Variants in HS3ST1 observed in about 807,000 individuals in gnomAD.
HS3ST1 encodes the protein heparan sulfate glucosamine 3-O-sulfotransferase 1.
HS3ST1 carries 8 observed loss-of-function variants against 20.7 expected under a neutral mutation model. The observed-to-expected ratio is 0.39, with a 90% CI of 0.23 to 0.70. The LOEUF (loss-of-function observed/expected upper bound fraction) is 0.70, where lower values mean the gene tolerates loss of function less well. Ranked by LOEUF, HS3ST1 falls within the 30% of genes least tolerant of loss-of-function variation. The pLI is 0.46. For missense variants in HS3ST1, 436 were observed against 423.4 expected, an observed-to-expected ratio of 1.03 and a Z score of -0.26; for synonymous variants, 205 against 190.4, an observed-to-expected ratio of 1.08 and a Z score of -0.63.
At chr4:11,417,032 C>G (rs575392493) in intron 1 of HS3ST1, among the ~76,000 whole-genome samples, 8 of 152,042 alleles carry the variant, frequency 5.3e-5, no homozygotes, top group African/African-American at 1.9e-4. Flanking sequence ...GTCCTGAGGT[C>G]AGATTATGAG....
At chr4:11,407,877 G>A (rs1718512488) in intron 1 of HS3ST1, among the ~76,000 whole-genome samples, 1 of 152,240 alleles carries the variant, frequency 6.6e-6, no homozygotes, top group Non-Finnish European at 1.5e-5. Flanking sequence ...ACCCTCGATA[G>A]TCTTTGGCAT....
rs123630 is a variant in HS3ST1, at chr4:11,428,747, A to G, written c.-157T>C. The G allele has an allele frequency of 1, 152,990 of 152,990 alleles. 76,495 individuals carry two copies. Among genetic ancestry groups the G allele is most frequent in the Non-Finnish European group, 1 (68,600 of 68,600 alleles). 9.5% of individuals were successfully genotyped at this position (152,990 alleles called of 1,614,324 possible). On this transcript the variant is annotated 5_prime_UTR_variant, in exon 1 of 2. Transcript: ENST00000002596. ...CGTCCGGCGCCCTAAATAGGCTCCT[A>G]GGCTGGGCCATGGGCAGCACTGCCG... is the stretch of plus-strand genomic sequence containing the variant.
rs547496496 is a variant in HS3ST1 at position 11,427,108 on chromosome 4, C to CT, written c.-109+1590dup. On this transcript the variant is annotated intron_variant, in intron 1 of 1. Coordinates refer to ENST00000002596, the MANE Select transcript of HS3ST1 (RefSeq NM_005114.4). ...GGTTATTTCTCCCTCCTTTTTTTTT[C>CT]TTTTTTTTTTAAAGATGGAATTCCT... Among the ~76,000 whole-genome samples the CT allele has an allele frequency of 3.1e-3, 454 of 148,016 alleles. 2 individuals are homozygous for CT. Among genetic ancestry groups the CT allele is most frequent in the Admixed American group, 4.4e-3 (66 of 14,936 alleles).
chr4:11,408,355 G>A (rs559696949), intron 1 of HS3ST1, among the ~76,000 whole-genome samples: 1 of 152,128 alleles, frequency 6.6e-6, no homozygotes, highest in Non-Finnish European at 1.5e-5. Context: ...AAAAAAAAAT[G>A]TTGGGTGGTA....
intron 1 of HS3ST1, among the ~76,000 whole-genome samples, chr4:11,421,333 C>T (rs1236186627): frequency 6.7e-6 from 1 of 150,272 alleles, no homozygotes; most frequent in Non-Finnish European, 1.5e-5. Context: ...TCTCAGAAAT[C>T]TATAACCAAC....
chr4:11,402,019 C>G (rs1350286932), intron 1 of HS3ST1, among the ~76,000 whole-genome samples: 1 of 152,196 alleles, frequency 6.6e-6, no homozygotes, highest in African/African-American at 2.4e-5. Flanking sequence ...GGCTTGGGGA[C>G]TGAGGGATTT....
At chr4:11,404,601 C>G (rs933719205) in intron 1 of HS3ST1, among the ~76,000 whole-genome samples, 4 of 152,212 alleles carry the variant, frequency 2.6e-5, no homozygotes, top group Admixed American at 1.3e-4. Flanking sequence ...GCTTCCTGAA[C>G]AGGAGAAGAA....
intron 1 of HS3ST1, among the ~76,000 whole-genome samples, chr4:11,405,850 A>T (rs1718450481): frequency 2.0e-5 from 3 of 152,202 alleles, no homozygotes; most frequent in African/African-American, 4.8e-5. Flanking sequence ...TCACATCATG[A>T]CCTAGATTTC....
intron 1 of HS3ST1, among the ~76,000 whole-genome samples, chr4:11,404,784 T>A (rs1003599171): frequency 6.6e-6 from 1 of 152,232 alleles, no homozygotes; most frequent in Non-Finnish European, 1.5e-5. Context: ...GGCCACATCC[T>A]TGGCAAAAGC....
intron 1 of HS3ST1, among the ~76,000 whole-genome samples, chr4:11,406,058 C>A (rs1718455313): frequency 6.6e-6 from 1 of 152,114 alleles, no homozygotes; most frequent in Non-Finnish European, 1.5e-5. Context: ...GCAGGAATCT[C>A]CTCTAGGGTA....
intron 1 of HS3ST1, among the ~76,000 whole-genome samples, chr4:11,401,438 C>T (rs960416370): frequency 1.3e-4 from 19 of 151,814 alleles, no homozygotes; most frequent in African/African-American, 4.1e-4. Flanking sequence ...TCCGCCTCCC[C>T]GGTTCAAGTG....
chr4:11,423,506 ATC>A (rs1186394432), intron 1 of HS3ST1, among the ~76,000 whole-genome samples: 1 of 152,100 alleles, frequency 6.6e-6, no homozygotes, highest in African/African-American at 2.4e-5. Context: ...TTATTTTTTA[ATC>A]CTTAGCACAT....
intron 1 of HS3ST1, among the ~76,000 whole-genome samples, chr4:11,401,809 A>T (rs893843890): frequency 1.3e-5 from 2 of 152,194 alleles, no homozygotes; most frequent in African/African-American, 4.8e-5. Context: ...GATTTATAAC[A>T]TTTAGGCAGT....
chr4:11,416,349 G>A (rs1718781162), intron 1 of HS3ST1, among the ~76,000 whole-genome samples: 1 of 152,140 alleles, frequency 6.6e-6, no homozygotes, highest in Non-Finnish European at 1.5e-5. Context: ...GACTAGGCAC[G>A]AGAGGTGTGA....
intron 1 of HS3ST1, among the ~76,000 whole-genome samples, chr4:11,400,853 C>T (rs1011984191): frequency 6.6e-6 from 1 of 152,192 alleles, no homozygotes; most frequent in Non-Finnish European, 1.5e-5. Context: ...CTGCAAGAGG[C>T]CTTGTGTGTT....
At chr4:11,431,309 C>G (rs1471314167), upstream of HS3ST1, among the ~76,000 whole-genome samples, 1 of 150,972 alleles carries the variant, frequency 6.6e-6, no homozygotes, top group Non-Finnish European at 1.5e-5. Flanking sequence ...GTTTCCCTTT[C>G]AAAGCCGTGG....
intron 1 of HS3ST1, among the ~76,000 whole-genome samples, chr4:11,406,084 G>A (rs1039695761): frequency 1.3e-5 from 2 of 152,156 alleles, no homozygotes; most frequent in African/African-American, 4.8e-5. Flanking sequence ...GATGATCAAA[G>A]CATACAACCA....
At chr4:11,419,090 C>G (rs996032422) in intron 1 of HS3ST1, among the ~76,000 whole-genome samples, 22 of 151,848 alleles carry the variant, frequency 1.4e-4, no homozygotes, top group Non-Finnish European at 2.1e-4. Context: ...CTATGCTCTT[C>G]AAATCCTTTT....
upstream of HS3ST1, among the ~76,000 whole-genome samples, chr4:11,431,644 A>C (rs1408365175): frequency 6.6e-6 from 1 of 152,216 alleles, no homozygotes; most frequent in Non-Finnish European, 1.5e-5. Flanking sequence ...CACAGACATG[A>C]GTTAACACAG....
Sources: allele counts gnomAD v4.1 joint callset (sites outside exome capture counted in the v4.1 genomes callset), GRCh38; gene constraint gnomAD v4.1.1; transcripts MANE v1.5; gene names NCBI Gene and HGNC (gene_info 2026-07-23, HGNC 2026-07-21).